DAB1: variants seen among roughly 807,000 people sequenced by gnomAD.
DAB1 encodes the protein disabled homolog 1.
In DAB1, 15 loss-of-function variants were observed where a neutral mutation model predicts 64.6. That is an observed-to-expected ratio of 0.23 (90% CI 0.16 to 0.36). DAB1 has a LOEUF of 0.36. DAB1 is among the 10% of genes least tolerant of loss of function. DAB1 has a pLI of 1.00. For missense variants in DAB1, 596 were observed against 706.7 expected (o/e 0.84, Z 1.78); for synonymous variants, 235 against 251.9 (o/e 0.93, Z 0.64).
chr1:58,025,021 C>T (rs1016346461), intron 5 of DAB1, among the ~76,000 whole-genome samples: 2 of 151,958 alleles, frequency 1.3e-5, no homozygotes, highest in African/African-American at 4.8e-5. Flanking sequence ...TCTATCTCTC[C>T]ACCTATCTGG....
chr1:57,149,431 T>A (rs1347242840), intron 2 of DAB1, among the ~76,000 whole-genome samples: 1 of 152,198 alleles, frequency 6.6e-6, no homozygotes, highest in African/African-American at 2.4e-5. Context: ...TCTGCACCAT[T>A]TTACAACCCT....
intron 1 of DAB1, chr1:57,863,038 C>T (rs1383210280): frequency 1.3e-5 from 2 of 152,158 alleles, no homozygotes; most frequent in Non-Finnish European, 2.9e-5. Flanking sequence ...AAGTGTCCAA[C>T]AGGTGAGTGG....
intron 7 of DAB1, among the ~76,000 whole-genome samples, chr1:57,548,301 T>A (rs981605771): frequency 1.6e-4 from 25 of 152,162 alleles, no homozygotes; most frequent in African/African-American, 6.0e-4. Context: ...GGAGCTTGAA[T>A]CTCAGTTAAC....
intron 4 of DAB1, among the ~76,000 whole-genome samples, chr1:58,313,843 G>T (rs1662485595): frequency 7.0e-6 from 1 of 143,530 alleles, no homozygotes; most frequent in East Asian, 2.3e-4. Context: ...GTGTGTGTGT[G>T]TGTGTGTGTG....
chr1:58,174,352 T>C (rs1656343797), intron 4 of DAB1, among the ~76,000 whole-genome samples: 1 of 152,174 alleles, frequency 6.6e-6, no homozygotes, highest in Non-Finnish European at 1.5e-5. Context: ...CTTGCCAAAT[T>C]TGTTTCCTCT....
chr1:57,339,024 G>A (rs1372979135), intron 1 of DAB1, among the ~76,000 whole-genome samples: 3 of 152,104 alleles, frequency 2.0e-5, no homozygotes, highest in South Asian at 2.1e-4. Context: ...GATCGGATGT[G>A]AGAAGGTGTA....
intron 1 of DAB1, among the ~76,000 whole-genome samples, chr1:57,353,324 C>T (rs1678762104): frequency 6.6e-6 from 1 of 152,084 alleles, no homozygotes; most frequent in Non-Finnish European, 1.5e-5. Context: ...GAGATACTCT[C>T]TCTGTCCTCA....
At chr1:57,713,524 T>A (rs889105720) in intron 6 of DAB1, among the ~76,000 whole-genome samples, 3 of 152,092 alleles carry the variant, frequency 2.0e-5, no homozygotes, top group Non-Finnish European at 2.9e-5. Context: ...GTGGAGTGCA[T>A]GGAAGGCAAA....
At chr1:58,391,065 C>T (rs146290307) in intron 3 of DAB1, among the ~76,000 whole-genome samples, 2 of 152,144 alleles carry the variant, frequency 1.3e-5, no homozygotes, top group Non-Finnish European at 2.9e-5. Context: ...AAACTAAATC[C>T]ACTCGAGTAT....
chr1:57,291,227 T>A lies in DAB1; in HGVS notation c.-136-61A>T, dbSNP rs3768164. On this transcript the variant is annotated intron_variant, in intron 1 of 14. Coordinates refer to ENST00000371236, the MANE Select transcript of DAB1 (RefSeq NM_001365792.1). ...ACTGTTATGAAGTTAAACAGAAATT[T>A]ATAAAAAGTGAATTGGCAAACATAT... 1.5e-3 allele frequency: 622 copies of A among 411,382 alleles called. 4 individuals carry two copies. The East Asian group carries it at 0.022, about 15-fold the overall frequency. 25.5% of individuals were successfully genotyped at this position (411,382 alleles called of 1,614,324 possible).
At chr1:58,225,225 T>G (rs1464725199) in intron 4 of DAB1, among the ~76,000 whole-genome samples, 1 of 151,850 alleles carries the variant, frequency 6.6e-6, no homozygotes, top group Admixed American at 6.6e-5. Context: ...TCATCATCAC[T>G]GGCCATCAGA....
At position 57,311,027 on chromosome 1, in the gene DAB1, CAGAT is replaced by C. The variant is rs528290106; in HGVS notation, c.-136-19865_-136-19862del. Among the ~76,000 whole-genome samples the C allele has an allele frequency of 1.3e-3, 205 of 152,094 alleles. 1 individual carries two copies. Among genetic ancestry groups the C allele is most frequent in the African/African-American group, 4.5e-3 (187 of 41,468 alleles). The stretch of plus-strand genomic sequence containing the variant: ...AAAAAATAGATAGATGATAGACAGA[CAGAT>C]AGACAGCCAGATTGACAGACAAGCG... On this transcript the variant is annotated intron_variant, in intron 1 of 14. Coordinates refer to ENST00000371236, the MANE Select transcript of DAB1 (RefSeq NM_001365792.1).
chr1:57,589,762 G>A (rs905830030), intron 7 of DAB1, among the ~76,000 whole-genome samples: 65 of 150,682 alleles, frequency 4.3e-4, no homozygotes, highest in African/African-American at 1.3e-3. Flanking sequence ...GTCTCAAGAA[G>A]AAAAAAAAGC....
chr1:57,119,085 C>T (rs182519245), intron 4 of DAB1, among the ~76,000 whole-genome samples: 6 of 152,170 alleles, frequency 3.9e-5, no homozygotes, highest in African/African-American at 9.6e-5. Context: ...GAAAGACTGC[C>T]GGTGGACCAC....
At chr1:58,410,068 A>AT (rs1644651987) in intron 3 of DAB1, among the ~76,000 whole-genome samples, 2 of 152,240 alleles carry the variant, frequency 1.3e-5, no homozygotes, top group Non-Finnish European at 1.5e-5. Context: ...TGCTCCAGTG[A>AT]TTTTGAATCC....
intron 1 of DAB1, among the ~76,000 whole-genome samples, chr1:57,416,053 C>A (rs1684470329): frequency 1.3e-5 from 2 of 152,100 alleles, no homozygotes; most frequent in African/African-American, 2.4e-5. Context: ...GATTTTGTAC[C>A]AAAAGCTTCC....
chr1:57,603,266 A>G (rs1645597185), intron 7 of DAB1, among the ~76,000 whole-genome samples: 1 of 152,098 alleles, frequency 6.6e-6, no homozygotes, highest in Non-Finnish European at 1.5e-5. Context: ...AGACTTACTC[A>G]TTTCTGTACC....
intron 3 of DAB1, among the ~76,000 whole-genome samples, chr1:58,425,207 C>A (rs1202014328): frequency 6.6e-6 from 1 of 152,184 alleles, no homozygotes; most frequent in East Asian, 1.9e-4. Flanking sequence ...CTAACCAGGT[C>A]CAGAGAGCCT....
At chr1:58,375,252 T>C (rs1186475314) in intron 3 of DAB1, among the ~76,000 whole-genome samples, 3 of 146,738 alleles carry the variant, frequency 2.0e-5, no homozygotes, top group Non-Finnish European at 4.5e-5. Context: ...CATCCCTGTC[T>C]TGTGCCAGTT....
Sources: allele counts gnomAD v4.1 joint callset (sites outside exome capture counted in the v4.1 genomes callset), GRCh38; gene constraint gnomAD v4.1.1; transcripts MANE v1.5; gene names NCBI Gene and HGNC (gene_info 2026-07-23, HGNC 2026-07-21).